The following CWC27 variants were observed in gnomAD, a reference collection of about 807,000 sequenced individuals.
CWC27 encodes CWC27 spliceosome associated cyclophilin.
Under a neutral mutation model 63.6 loss-of-function variants are expected in CWC27, and 47 were observed. That is an observed-to-expected ratio of 0.74 (90% confidence interval 0.58 to 0.94). The LOEUF (loss-of-function observed/expected upper bound fraction) is 0.94, where lower values mean the gene tolerates loss of function less well. CWC27 is among the 40% of genes least tolerant of loss of function. The probability of loss-of-function intolerance (pLI) is 0.00; values close to 1 mark genes in which losing one functional copy is unlikely to be tolerated. For synonymous variants in CWC27, 175 were observed against 179.8 expected, an observed-to-expected ratio of 0.97 and a Z score of 0.22; for missense variants, 495 against 554.3, an observed-to-expected ratio of 0.89 and a Z score of 1.07.
chr5:64,845,147 T>A (rs934451716), intron 10 of CWC27, among the ~76,000 whole-genome samples: 19 of 152,192 alleles, frequency 1.2e-4, no homozygotes, highest in African/African-American at 4.6e-4. Context: ...GAAAGGCATC[T>A]GCCCAGCAAA....
intron 6 of CWC27, among the ~76,000 whole-genome samples, chr5:64,787,678 T>G (rs1402633282): frequency 6.6e-6 from 1 of 152,108 alleles, no homozygotes; most frequent in Non-Finnish European, 1.5e-5. Flanking sequence ...TTGGACAATA[T>G]TCTACATTAT....
chr5:64,922,539 G>A (rs1313416205), intron 11 of CWC27, among the ~76,000 whole-genome samples: 1 of 152,112 alleles, frequency 6.6e-6, no homozygotes, highest in Non-Finnish European at 1.5e-5. Context: ...TCAGTTTACT[G>A]TTTTCCTTGG....
At chr5:64,776,742 G>A (rs539533033) in intron 2 of CWC27, among the ~76,000 whole-genome samples, 1 of 152,156 alleles carries the variant, frequency 6.6e-6, no homozygotes, top group South Asian at 2.1e-4. Context: ...GAGTCATAAT[G>A]TTTCTAGATC....
At chr5:64,908,334 C>A (rs139211412) in intron 11 of CWC27, among the ~76,000 whole-genome samples, 4 of 152,028 alleles carry the variant, frequency 2.6e-5, no homozygotes, top group African/African-American at 9.7e-5. Flanking sequence ...ATAAGTGCAA[C>A]GTAATGTTGA....
At chr5:64,907,371 G>C (rs1580718750) in intron 11 of CWC27, among the ~76,000 whole-genome samples, 1 of 152,158 alleles carries the variant, frequency 6.6e-6, no homozygotes, top group African/African-American at 2.4e-5. Context: ...TCTCCTTGAA[G>C]AGGTCCTTCA....
At chr5:65,011,749 A>G (rs908884522) in intron 13 of CWC27, among the ~76,000 whole-genome samples, 1 of 152,242 alleles carries the variant, frequency 6.6e-6, no homozygotes, top group Non-Finnish European at 1.5e-5. Context: ...AGTCCTTAGT[A>G]ATTCGATGGC....
intron 11 of CWC27, among the ~76,000 whole-genome samples, chr5:64,889,940 C>G (rs1330946571): frequency 1.3e-5 from 2 of 152,110 alleles, no homozygotes; most frequent in East Asian, 3.9e-4. Context: ...CCTGTCTTGG[C>G]TCTGTCAGGT....
chr5:64,903,860 C>G (rs73107234), intron 11 of CWC27, among the ~76,000 whole-genome samples: 11,624 of 152,170 alleles, frequency 0.076, 1,460 homozygotes, highest in African/African-American at 0.26. Flanking sequence ...CTTTTACCTG[C>G]CTTAATGTTT....
At chr5:64,926,718 C>T (rs1013611306) in intron 11 of CWC27, among the ~76,000 whole-genome samples, 2 of 151,892 alleles carry the variant, frequency 1.3e-5, no homozygotes, top group African/African-American at 4.8e-5. Flanking sequence ...ATTATTGGGG[C>T]AGACTTCAAA....
chr5:64,801,956 A>T (rs1744504099), intron 9 of CWC27, among the ~76,000 whole-genome samples: 1 of 152,206 alleles, frequency 6.6e-6, no homozygotes, highest in Non-Finnish European at 1.5e-5. Flanking sequence ...ACACAGATTT[A>T]TCTATTATCA....
chr5:64,944,721 C>T (rs1472734620), intron 11 of CWC27, among the ~76,000 whole-genome samples: 3 of 152,250 alleles, frequency 2.0e-5, no homozygotes, highest in African/African-American at 7.2e-5. Flanking sequence ...CTGGTAGTAC[C>T]TGGTCAGCCA....
At position 64,783,692 on chromosome 5, in the gene CWC27, G is replaced by A. The variant is rs1351211096; in HGVS notation, c.253-144G>A. 2.3e-5 allele frequency: 15 copies of A among 658,912 alleles called. No homozygotes were observed. In the South Asian group the frequency reaches 4.4e-4, roughly 20 times the overall value. The allele number at this position is 658,912 out of a possible 1,614,324, so 40.8% of individuals were successfully genotyped here. On this transcript the variant is annotated intron_variant, in intron 3 of 13. Coordinates refer to ENST00000381070, the MANE Select transcript of CWC27 (RefSeq NM_005869.4). ...GAATTCAAGTTTAATAACATTGAAA[G>A]AATAGTAAATACTTGAAAATCAATT... is the stretch of plus-strand genomic sequence containing the variant.
At position 64,776,068 on chromosome 5, in the gene CWC27, C is replaced by CGAGAGAGAGA. The variant is rs70983650; in HGVS notation, c.139+1326_139+1335dup. The stretch of plus-strand genomic sequence containing the variant: ...AAGAGAGAGGTGGGGAGGAGTGGAG[C>CGAGAGAGAGA]GAGAGAGAGAGAGAGAGAGAGAGAG... On this transcript the variant is annotated intron_variant, in intron 2 of 13. Transcript: ENST00000381070. 2.0e-3 allele frequency among the ~76,000 whole-genome samples: 216 copies of CGAGAGAGAGA among 108,620 alleles called. 11 individuals carry two copies. The highest frequency in any genetic ancestry group is 5.2e-3 in the African/African-American group (138 of 26,608). The allele number at this position is 108,620 out of a possible 152,430, so 71.3% of individuals were successfully genotyped here. A position where few individuals can be genotyped will look rare whatever the true frequency, so the allele number is the denominator to read the frequency against.
chr5:64,876,058 G>A (rs773832203), intron 10 of CWC27, among the ~76,000 whole-genome samples: 4 of 152,038 alleles, frequency 2.6e-5, no homozygotes, highest in African/African-American at 9.7e-5. Flanking sequence ...GTAATAGGTA[G>A]AACAGAGCTT....
chr5:64,978,450 T>C (rs1334019840), intron 13 of CWC27, among the ~76,000 whole-genome samples: 1 of 152,198 alleles, frequency 6.6e-6, no homozygotes, highest in Non-Finnish European at 1.5e-5. Flanking sequence ...TACAAATAAG[T>C]TGCTTGAAGG....
In CWC27 at chr5:64,883,201, C is replaced by T. The variant is rs116243201; in HGVS notation, c.939-2242C>T. ...ATGAGAATAGCATGGGAGAAACTGC[C>T]ACCATGATCCAATCACTTTCCATGA... On this transcript the variant is annotated intron_variant, in intron 10 of 13. Transcript: ENST00000381070. Among the ~76,000 whole-genome samples the T allele has an allele frequency of 8.4e-3, 1,286 of 152,244 alleles. 18 individuals carry two copies. Among genetic ancestry groups the T allele is most frequent in the Middle Eastern group, 0.031 (9 of 294 alleles).
chr5:64,776,796 T>A (rs1743472444), intron 2 of CWC27, among the ~76,000 whole-genome samples: 1 of 152,120 alleles, frequency 6.6e-6, no homozygotes, highest in Admixed American at 6.5e-5. Flanking sequence ...GTTTCCAGAA[T>A]TTAAAAGCAA....
At chr5:64,850,157 A>C (rs902312174) in intron 10 of CWC27, among the ~76,000 whole-genome samples, 1 of 151,718 alleles carries the variant, frequency 6.6e-6, no homozygotes, top group Admixed American at 6.6e-5. Context: ...GAGGTATCAT[A>C]CTACCTGATT....
chr5:64,897,632 C>A lies in CWC27; in HGVS notation c.1042+12086C>A, dbSNP rs146061938. On this transcript the variant is annotated intron_variant, in intron 11 of 13. Transcript: ENST00000381070. ...GGGAGGGATAGCATTAGGAGAAATA[C>A]CTAATGTAAATGACAAGTTGATGGG... 8.4e-3 allele frequency among the ~76,000 whole-genome samples: 1,284 copies of A among 152,136 alleles called. 13 individuals carry two copies. The highest frequency in any genetic ancestry group is 0.029 in the African/African-American group (1,206 of 41,520).
Sources: gnomAD v4.1 joint callset for allele counts (sites outside exome capture counted in the v4.1 genomes callset) on GRCh38, gnomAD v4.1.1 for gene constraint, MANE v1.5 for transcripts, NCBI Gene and HGNC (gene_info 2026-07-23, HGNC 2026-07-21) for gene names.